Variants in EHMT1 observed in about 807,000 individuals in gnomAD.
EHMT1 encodes the protein histone-lysine N-methyltransferase EHMT1.
EHMT1 carries 15 observed loss-of-function variants against 147.2 expected under a neutral mutation model. The ratio of observed to expected loss-of-function variants is 0.10; its 90% CI spans 0.07 to 0.16. The LOEUF is 0.16. Among genes scored for constraint, EHMT1 ranks in the 10% least tolerant of loss-of-function variants. The pLI is 1.00. For missense variants in EHMT1, 1,587 were observed against 1,772.4 expected, an observed-to-expected ratio of 0.90 and a Z score of 1.88; for synonymous variants, 795 against 709.6, an observed-to-expected ratio of 1.12 and a Z score of -1.91.
intron 1 of EHMT1, among the ~76,000 whole-genome samples, chr9:137,631,283 T>G (rs1843613224): frequency 6.6e-6 from 1 of 151,824 alleles, no homozygotes; most frequent in Non-Finnish European, 1.5e-5. Context: ...TCCCAGCTAC[T>G]CGGGAGGCTG....
chr9:137,754,359 C>G, intron 8 of EHMT1, 68 bp downstream of exon 8: 2 of 1,603,436 alleles, frequency 1.2e-6, no homozygotes, highest in Non-Finnish European at 1.7e-6. Context: ...GGAGGCCCAC[C>G]TGGGGTTGGG....
At chr9:137,677,082 ATC>A (rs1314102638) in intron 1 of EHMT1, among the ~76,000 whole-genome samples, 1 of 151,226 alleles carries the variant, frequency 6.6e-6, no homozygotes, top group African/African-American at 2.4e-5. Flanking sequence ...TCCCACCTCG[ATC>A]TCTCAAGGTG....
chr9:137,708,571 C>A (rs1056958400), intron 1 of EHMT1, among the ~76,000 whole-genome samples: 3 of 152,132 alleles, frequency 2.0e-5, no homozygotes, highest in Non-Finnish European at 2.9e-5. Context: ...CTAATGATAC[C>A]GCTCATGTAA....
At chr9:137,696,913 TGTA>T (rs34424428) in intron 1 of EHMT1, among the ~76,000 whole-genome samples, 4,247 of 152,260 alleles carry the variant, frequency 0.028, 216 homozygotes, top group African/African-American at 0.096. Context: ...GCTTCTCACT[TGTA>T]GTTGTGCCTT....
intron 1 of EHMT1, among the ~76,000 whole-genome samples, chr9:137,672,640 T>TAACC (rs538108110): frequency 1.5e-3 from 226 of 152,376 alleles, no homozygotes; most frequent in East Asian, 4.8e-3. Context: ...TGCAGTGAAC[T>TAACC]AACCAACCAA....
chr9:137,737,232 G>A (rs1339362913), intron 4 of EHMT1, among the ~76,000 whole-genome samples: 1 of 152,160 alleles, frequency 6.6e-6, no homozygotes, highest in Non-Finnish European at 1.5e-5. Context: ...ATATGTATAT[G>A]TGGAAAAAGA....
chr9:137,697,984 T>C (rs917553330), intron 1 of EHMT1, among the ~76,000 whole-genome samples: 282 of 145,732 alleles, frequency 1.9e-3, no homozygotes, highest in African/African-American at 6.1e-3. Context: ...TCCCCACTGT[T>C]GTGAGGGCAG....
At chr9:137,795,718 G>A (rs908814819) in intron 16 of EHMT1, among the ~76,000 whole-genome samples, 11 of 152,142 alleles carry the variant, frequency 7.2e-5, no homozygotes, top group African/African-American at 2.7e-4. Context: ...TGAAATACAG[G>A]ATAATAACTA....
chr9:137,758,866 A>G (rs953842666), intron 9 of EHMT1, among the ~76,000 whole-genome samples: 3 of 152,236 alleles, frequency 2.0e-5, no homozygotes, highest in East Asian at 1.9e-4. Flanking sequence ...GGTGGCTCAC[A>G]CCTGTAATCC....
At position 137,813,133 on chromosome 9, in the gene EHMT1, G is replaced by A. The variant is rs1313253739; in HGVS notation, c.2995G>A (p.Ala999Thr). 6.2e-7 allele frequency: 1 copy of A among 1,612,146 alleles called. No homozygotes were observed. Among genetic ancestry groups the A allele is most frequent in the South Asian group, 1.1e-5 (1 of 91,082 alleles). Reference sequence around the variant, plus strand: ...GATGAGCAAGGCTCTGCAGGACTCGGCCCCCGACAGGCCCAGCCCCGTGGA... The same window carrying A: ...GATGAGCAAGGCTCTGCAGGACTCGACCCCCGACAGGCCCAGCCCCGTGGA... The part of the protein sequence containing the change: ...LQMSKALQDS[A>T]PDRPSPVERI... Residue 999 changes from alanine (A) to threonine (T), a missense_variant, in exon 20 of 27, where the codon GCC (alanine) becomes ACC (threonine). Around this residue, in one of 7 missense-constraint regions of EHMT1, gnomAD observed 78 missense variants for 68.9 expected, o/e 1.13. Transcript: ENST00000460843. The surrounding 1 kb of genome is among the most constrained non-coding windows in gnomAD (Gnocchi z 4.9).
chr9:137,733,670 G>C (rs1947303323), intron 4 of EHMT1, among the ~76,000 whole-genome samples: 1 of 152,206 alleles, frequency 6.6e-6, no homozygotes, highest in Non-Finnish European at 1.5e-5. Flanking sequence ...GGTGCATACA[G>C]AGAGGCCCTC....
At chr9:137,726,344 G>T (rs1055385160) in intron 3 of EHMT1, among the ~76,000 whole-genome samples, 1 of 152,164 alleles carries the variant, frequency 6.6e-6, no homozygotes, top group Non-Finnish European at 1.5e-5. Flanking sequence ...CGACTCTAGG[G>T]ACCTCCTGTA....
intron 1 of EHMT1, among the ~76,000 whole-genome samples, chr9:137,674,001 C>T (rs1940967327): frequency 6.6e-6 from 1 of 152,170 alleles, no homozygotes; most frequent in South Asian, 2.1e-4. Flanking sequence ...GGAATAGAGC[C>T]CAGGAGGCCC....
In EHMT1 at chr9:137,752,358, G is replaced by A. The variant is rs894613555; in HGVS notation, c.1198G>A (p.Glu400Lys). 7.4e-6 allele frequency: 12 copies of A among 1,614,112 alleles called. No individual in the cohort carries two copies. The highest frequency in any genetic ancestry group is 7.6e-6 in the Non-Finnish European group (9 of 1,180,046). ...GGACGGGGAGTCCGAGGAGGAGCAG[G>A]AGTCCGTGGACACCGGGGAGGAGGA... ...KMDGESEEEQ[E>K]SVDTGEEEEG... The change falls in exon 7 of 27, where the codon GAG becomes AAG. Residue 400 changes from glutamate (E) to lysine (K), a missense_variant. By Grantham distance (56) the Glu-to-Lys change is moderately conservative. Coordinates refer to ENST00000460843, the MANE Select transcript of EHMT1 (RefSeq NM_024757.5).
rs770342294 is a variant in EHMT1 at position 137,776,812 on chromosome 9, C to T, written c.1986C>T (p.Ala662=). ...TCCCCGGGCAGGAGAAGGGCTCGGC[C>T]CTGGAGGGCAGGGCCGACACCACAA... ...TPVPGQEKGS[A]LEGRADTTTG... Residue 662 remains alanine, a synonymous_variant, in exon 12 of 27, where the codon GCC becomes GCT. Transcript: ENST00000460843. This position sits in a 1 kb window ranked among gnomAD's most constrained non-coding sequence, Gnocchi z 4.4. 5.0e-6 allele frequency: 8 copies of T among 1,613,854 alleles called. No individual in the cohort carries two copies. Among genetic ancestry groups the T allele is most frequent in the Non-Finnish European group, 5.9e-6 (7 of 1,180,022 alleles).
chr9:137,723,384 T>G (rs1588379903), intron 3 of EHMT1, among the ~76,000 whole-genome samples: 1 of 136,808 alleles, frequency 7.3e-6, no homozygotes, highest in South Asian at 2.6e-4. Context: ...GTGTCCGTGG[T>G]TCTGGGCCTG....
At chr9:137,694,401 C>T (rs1943224171) in intron 1 of EHMT1, among the ~76,000 whole-genome samples, 1 of 151,932 alleles carries the variant, frequency 6.6e-6, no homozygotes, top group Non-Finnish European at 1.5e-5. Context: ...CACAGTGGCA[C>T]AGGACACTGG....
chr9:137,778,103 TCTG>T, intron 13 of EHMT1, 48 bp downstream of exon 13: 1 of 1,611,722 alleles, frequency 6.2e-7, no homozygotes, highest in Non-Finnish European at 8.5e-7. Flanking sequence ...CCTGTTTTAA[TCTG>T]CACCCCGCGT....
At chr9:137,676,547 G>A (rs1454653527) in intron 1 of EHMT1, 1 of 152,264 alleles carries the variant, frequency 6.6e-6, no homozygotes, top group Non-Finnish European at 1.5e-5. Flanking sequence ...TACATTATCT[G>A]TAGAGACGGG....
Sources: gnomAD v4.1 joint callset for allele counts (sites outside exome capture counted in the v4.1 genomes callset) on GRCh38, gnomAD v4.1.1 for gene constraint, gnomAD v4.1.1 regional missense constraint, Gnocchi (gnomAD v3.1) non-coding constraint, MANE v1.5 for transcripts, NCBI Gene and HGNC (gene_info 2026-07-23, HGNC 2026-07-21) for gene names.